The following TRPC4AP variants were observed in gnomAD, a reference collection of about 807,000 sequenced individuals.
TRPC4AP encodes the protein short transient receptor potential channel 4-associated protein.
A neutral mutation model predicts 99.0 loss-of-function variants in TRPC4AP; 45 were observed. The ratio of observed to expected loss-of-function variants is 0.45; its 90% CI spans 0.36 to 0.58. The LOEUF (loss-of-function observed/expected upper bound fraction) is 0.58. Ranked by LOEUF, TRPC4AP falls within the 20% of genes least tolerant of loss-of-function variation. The pLI is 0.00. For synonymous variants in TRPC4AP, 408 were observed against 385.8 expected, an observed-to-expected ratio of 1.06 and a Z score of -0.67; for missense variants, 879 against 985.3, an observed-to-expected ratio of 0.89 and a Z score of 1.44.
At chr20:35,052,062 T>C (rs1042105531) in intron 5 of TRPC4AP, among the ~76,000 whole-genome samples, 2 of 151,864 alleles carry the variant, frequency 1.3e-5, no homozygotes, top group African/African-American at 4.8e-5. Flanking sequence ...GGGGGAGAGT[T>C]TTTTCCATGT....
chr20:35,035,097 C>T, intron 8 of TRPC4AP, 26 bp downstream of exon 8: 1 of 1,583,142 alleles, frequency 6.3e-7, no homozygotes, highest in Non-Finnish European at 8.6e-7. Context: ...AGCTCCCGAT[C>T]ACTCAGGGGA....
Position 35,049,989 on chromosome 20 carries a change from C to A in TRPC4AP, c.534G>T (p.Glu178Asp). 1 of 1,613,236 alleles carries A rather than the reference C, an allele frequency of 6.2e-7. No individual in the cohort carries two copies. The highest frequency in any genetic ancestry group is 8.5e-7 in the Non-Finnish European group (1 of 1,179,660). ...TTTCTGCCAAACGCTTTGTAACTCC[C>A]TCTGTCTGTCACAAGAAGAAAAGGC... Reference protein sequence around the residue: ...SILYNTCVCTEGVTKRLAEKN... With the variant: ...SILYNTCVCTDGVTKRLAEKN... The change falls in exon 6 of 19, where the codon GAG becomes GAT. Residue 178 changes from glutamate to aspartate, a missense_variant. This residue lies in a region of TRPC4AP where 603 missense variants were observed against 631.8 expected (regional missense o/e 0.95). Transcript: ENST00000252015.
chr20:35,022,387 C>T (rs2082912064), intron 8 of TRPC4AP, among the ~76,000 whole-genome samples: 1 of 152,158 alleles, frequency 6.6e-6, no homozygotes. Flanking sequence ...AACTCCTGAC[C>T]TCAAGTGATC....
intron 1 of TRPC4AP, among the ~76,000 whole-genome samples, chr20:35,083,655 T>C (rs11907883): frequency 1.3e-3 from 193 of 151,114 alleles, no homozygotes; most frequent in African/African-American, 4.2e-3. Context: ...TTTATACTTC[T>C]ATACCCAGTC....
rs1390794238 is a variant in TRPC4AP, at chr20:35,078,089, C to T, written c.254G>A (p.Ser85Asn). The change falls in exon 2 of 19, where the codon AGC becomes AAC. Residue 85 changes from serine (S) to asparagine (N), a missense_variant. By Grantham distance (46) the Ser-to-Asn change is conservative. This residue lies in a region of TRPC4AP where 603 missense variants were observed against 631.8 expected (regional missense o/e 0.95). Coordinates refer to ENST00000252015, the MANE Select transcript of TRPC4AP (RefSeq NM_015638.3). Reference sequence around the variant, plus strand: ...CTCAACAAAGTCACTGTGGAGGTGGCTGGTGGTGTGCAGCTTGAGGAGCAG... The same window carrying T: ...CTCAACAAAGTCACTGTGGAGGTGGTTGGTGGTGTGCAGCTTGAGGAGCAG... ...PQLLLKLHTTSHLHSDFVECQ... is the reference protein window; with the variant it reads ...PQLLLKLHTTNHLHSDFVECQ... 2 of 1,613,902 alleles carry T rather than the reference C, an allele frequency of 1.2e-6. No homozygotes were observed. The highest frequency in any genetic ancestry group is 1.7e-6 in the Non-Finnish European group (2 of 1,179,878).
rs150022394 is a variant in TRPC4AP, at chr20:35,002,774, T to TG, written c.*371dup. ...GGACAAGGGAGGCTTGGCTCACAGATGGGGGGTGGGGGTCACCCATATCTT... is the reference window on the plus strand; with the variant it reads ...GGACAAGGGAGGCTTGGCTCACAGATGGGGGGGTGGGGGTCACCCATATCTT... On this transcript the variant is annotated 3_prime_UTR_variant, in exon 19 of 19. Transcript: ENST00000252015. The TG allele has an allele frequency of 0.01, 2,035 of 195,078 alleles. 35 individuals carry two copies. Among genetic ancestry groups the TG allele is most frequent in the African/African-American group, 0.045 (1,907 of 42,608 alleles). 12.1% of individuals were successfully genotyped at this position (195,078 alleles called of 1,614,324 possible).
intron 16 of TRPC4AP, among the ~76,000 whole-genome samples, chr20:35,005,035 G>A (rs2082488872): frequency 6.6e-6 from 1 of 152,164 alleles, no homozygotes; most frequent in Admixed American, 6.5e-5. Context: ...GTTCTGCTCC[G>A]TCCACTAGTG....
chr20:35,033,863 A>AAAAAAAGAAGAGGTACCTCTTTTTATTT (rs1162085127), intron 8 of TRPC4AP, among the ~76,000 whole-genome samples: 47 of 85,448 alleles, frequency 5.5e-4, no homozygotes, highest in Middle Eastern at 7.6e-3. Flanking sequence ...AAAAGAGTAA[A>AAAAAAAGAAGAGGTACCTCTTTTTATTT]GGCCGGGCGC....
chr20:35,084,224 T>TGC (rs939899139), intron 1 of TRPC4AP, among the ~76,000 whole-genome samples: 3 of 150,714 alleles, frequency 2.0e-5, no homozygotes, highest in African/African-American at 7.3e-5. Flanking sequence ...GAGCCGAGAT[T>TGC]GCGCCATTCC....
chr20:35,004,378 C>T, intron 17 of TRPC4AP, 80 bp downstream of exon 17: 1 of 1,283,976 alleles, frequency 7.8e-7, no homozygotes, highest in Non-Finnish European at 1.1e-6. Context: ...GAGTGGGGGA[C>T]AGAAACCTGC....
rs1440590409 is a variant in TRPC4AP, at chr20:35,086,573, G to GTA, written c.168+6040_168+6041insTA. On this transcript the variant is annotated intron_variant, in intron 1 of 18. Coordinates refer to ENST00000252015, the MANE Select transcript of TRPC4AP (RefSeq NM_015638.3). ...TGTGTGTGTGTGTGTGTGTGTGTGT[G>GTA]TGTATATATATATGAATAAGACTTT... Among the ~76,000 whole-genome samples the GTA allele has an allele frequency of 3.0e-3, 124 of 41,558 alleles. 12 individuals carry two copies. The highest frequency in any genetic ancestry group is 5.1e-3 in the Non-Finnish European group (95 of 18,478). 27.3% of individuals were successfully genotyped at this position (41,558 alleles called of 152,430 possible).
chr20:35,002,477 A>AG lies in TRPC4AP; in HGVS notation c.*668dup, dbSNP rs1261722822. 1 of 318,916 alleles carries AG rather than the reference A, an allele frequency of 3.1e-6. No individual in the cohort carries two copies. Among genetic ancestry groups the AG allele is most frequent in the Non-Finnish European group, 5.7e-6 (1 of 176,218 alleles). 19.8% of individuals were successfully genotyped at this position (318,916 alleles called of 1,614,324 possible). ...TTGCTGTTAATAAATTGGCAACACA[A>AG]GGAAGGGCCCCATGTCCAGGCTCAG... On this transcript the variant is annotated 3_prime_UTR_variant, in exon 19 of 19. Coordinates refer to ENST00000252015, the MANE Select transcript of TRPC4AP (RefSeq NM_015638.3).
intron 1 of TRPC4AP, among the ~76,000 whole-genome samples, chr20:35,081,223 A>T (rs1448199319): frequency 6.6e-6 from 1 of 152,164 alleles, no homozygotes; most frequent in Non-Finnish European, 1.5e-5. Flanking sequence ...AATTAAAAAC[A>T]AAGTTTGGGC....
chr20:35,003,522 A>C lies in TRPC4AP; in HGVS notation c.2144T>G (p.Met715Arg). Residue 715 changes from methionine to arginine, a missense_variant, in exon 18 of 19, where the codon ATG becomes AGG. This residue lies in a region of TRPC4AP where 224 missense variants were observed against 264.7 expected (regional missense o/e 0.85). Transcript: ENST00000252015. ...LPLYLRLLQR[M>R]EHSKKYPGFL... is the part of the protein sequence containing the mutation. The stretch of plus-strand genomic sequence containing the variant: ...GCCGGGGTACTTCTTGCTGTGCTCC[A>C]TCCGCTGCAGCAGCCGCAGGTACAG... 1 of 1,613,998 alleles carries C rather than the reference A, an allele frequency of 6.2e-7. No individual in the cohort carries two copies. Among genetic ancestry groups the C allele is most frequent in the Non-Finnish European group, 8.5e-7 (1 of 1,180,006 alleles).
At chr20:35,006,684 C>T (rs1198907992) in intron 14 of TRPC4AP, 109 bp from the exon 15 acceptor site, 3 of 1,380,890 alleles carry the variant, frequency 2.2e-6, no homozygotes, top group Non-Finnish European at 3.0e-6. Flanking sequence ...GGGGATGGAA[C>T]TGGCAACACT....
At chr20:35,079,978 C>A (rs1016145368) in intron 1 of TRPC4AP, among the ~76,000 whole-genome samples, 1 of 136,446 alleles carries the variant, frequency 7.3e-6, no homozygotes. Flanking sequence ...GCTATGACAG[C>A]ACCACTGCAC....
chr20:35,053,669 A>G (rs1383101374), intron 5 of TRPC4AP, among the ~76,000 whole-genome samples: 1 of 152,208 alleles, frequency 6.6e-6, no homozygotes, highest in Non-Finnish European at 1.5e-5. Context: ...AAGAAAAACA[A>G]AACACACACA....
chr20:35,023,024 CA>C (rs11475714), intron 8 of TRPC4AP, among the ~76,000 whole-genome samples: 80,613 of 134,962 alleles, frequency 0.6, 23,241 homozygotes, highest in Middle Eastern at 0.76. Flanking sequence ...TGGACTGTCT[CA>C]AAAAAAAAAA....
chr20:35,060,730 A>G (rs2083983664), intron 3 of TRPC4AP, among the ~76,000 whole-genome samples: 1 of 152,108 alleles, frequency 6.6e-6, no homozygotes, highest in East Asian at 1.9e-4. Flanking sequence ...AAAGGACAAA[A>G]GCCAAAAGCC....
Sources: allele counts gnomAD v4.1 joint callset (sites outside exome capture counted in the v4.1 genomes callset), GRCh38; gene constraint gnomAD v4.1.1; regional missense constraint gnomAD v4.1.1; transcripts MANE v1.5; gene names NCBI Gene and HGNC (gene_info 2026-07-23, HGNC 2026-07-21).